Variants in BMP6 observed in about 807,000 individuals in gnomAD.
BMP6 encodes the protein VG-1-R.
Under a neutral mutation model 54.1 loss-of-function variants are expected in BMP6, and 17 were observed. The ratio of observed to expected loss-of-function variants is 0.31; its 90% CI spans 0.22 to 0.47. The LOEUF (loss-of-function observed/expected upper bound fraction) is 0.47. Among genes scored for constraint, BMP6 ranks in the 20% least tolerant of loss-of-function variants. The pLI is 1.00. For synonymous variants in BMP6, 328 were observed against 291.2 expected (o/e 1.13, Z -1.28); for missense variants, 720 against 690.4 (o/e 1.04, Z -0.48).
intron 1 of BMP6, among the ~76,000 whole-genome samples, chr6:7,781,776 G>C (rs1263315464): frequency 6.6e-6 from 1 of 151,532 alleles, no homozygotes; most frequent in Non-Finnish European, 1.5e-5. Context: ...GGTCTGGGAA[G>C]GTTTCCTGGA....
chr6:7,807,898 A>G (rs1758370701), intron 1 of BMP6, among the ~76,000 whole-genome samples: 1 of 150,258 alleles, frequency 6.7e-6, no homozygotes, highest in Non-Finnish European at 1.5e-5. Flanking sequence ...TTGTATTACT[A>G]ACGGGAAGTC....
chr6:7,727,541 G>C lies in BMP6; in HGVS notation c.586G>C (p.Gly196Arg), dbSNP rs768420207. The C allele has an allele frequency of 2.2e-5, 35 of 1,595,062 alleles. No individual in the cohort carries two copies. Among genetic ancestry groups the C allele is most frequent in the Non-Finnish European group, 2.9e-5 (34 of 1,177,746 alleles). Residue 196 changes from glycine (G) to arginine (R), a missense_variant, in exon 1 of 7, where the codon GGC (glycine) becomes CGC (arginine). Gly to Arg is a moderately radical substitution (Grantham distance 125). Coordinates refer to ENST00000283147, the MANE Select transcript of BMP6 (RefSeq NM_001718.6). Reference sequence around the variant, plus strand: ...TCTGGCCCCCGGATCTGGCAGCGGCGGCGCGTCCCCACTGACCAGCGCGCA... The same window carrying C: ...TCTGGCCCCCGGATCTGGCAGCGGCCGCGCGTCCCCACTGACCAGCGCGCA... The part of the protein sequence containing the change: ...SLLAPGSGSG[G>R]ASPLTSAQDS...
chr6:7,771,478 A>G (rs554118146), intron 1 of BMP6, among the ~76,000 whole-genome samples: 192 of 152,362 alleles, frequency 1.3e-3, no homozygotes, highest in Admixed American at 2.7e-3. Context: ...CACATAAGGT[A>G]ATTGCTGTCA....
chr6:7,852,974 G>A (rs151100291), intron 2 of BMP6, among the ~76,000 whole-genome samples: 1 of 152,234 alleles, frequency 6.6e-6, no homozygotes, highest in African/African-American at 2.4e-5. Flanking sequence ...TCACGCACTA[G>A]CTGCCTTGAA....
chr6:7,764,013 C>T (rs764909313), intron 1 of BMP6, among the ~76,000 whole-genome samples: 70 of 152,154 alleles, frequency 4.6e-4, no homozygotes, highest in Non-Finnish European at 8.7e-4. Flanking sequence ...GTGAAGGATC[C>T]GTCTTCAGAA....
chr6:7,748,533 G>A (rs1043364482), intron 1 of BMP6, among the ~76,000 whole-genome samples: 2 of 152,202 alleles, frequency 1.3e-5, no homozygotes, highest in Admixed American at 6.5e-5. Flanking sequence ...AGCAGCTCAT[G>A]CTTATGAGAG....
intron 1 of BMP6, among the ~76,000 whole-genome samples, chr6:7,829,428 G>A (rs565922955): frequency 1.3e-5 from 2 of 152,274 alleles, no homozygotes; most frequent in South Asian, 4.2e-4. Flanking sequence ...AGTTAGCCAG[G>A]CACAGTGGCT....
At chr6:7,731,367 A>G (rs1269706324) in intron 1 of BMP6, among the ~76,000 whole-genome samples, 5 of 152,140 alleles carry the variant, frequency 3.3e-5, no homozygotes, top group Admixed American at 6.5e-5. Flanking sequence ...CTGCCACTCT[A>G]TATAAACTGG....
chr6:7,859,955 A>G (rs2113274709), intron 2 of BMP6, among the ~76,000 whole-genome samples: 1 of 152,306 alleles, frequency 6.6e-6, no homozygotes, highest in East Asian at 1.9e-4. Flanking sequence ...AACCATTTGA[A>G]CTTGATGTTT....
At chr6:7,827,279 C>A (rs1235675209) in intron 1 of BMP6, among the ~76,000 whole-genome samples, 1 of 152,182 alleles carries the variant, frequency 6.6e-6, no homozygotes, top group Non-Finnish European at 1.5e-5. Flanking sequence ...GTTAAGTGAG[C>A]AGTTTAGCTT....
At chr6:7,833,467 G>A (rs1372285176) in intron 1 of BMP6, among the ~76,000 whole-genome samples, 4 of 152,190 alleles carry the variant, frequency 2.6e-5, no homozygotes, top group African/African-American at 9.7e-5. Context: ...GTACCACTGT[G>A]TGCATGTTGG....
intron 2 of BMP6, among the ~76,000 whole-genome samples, chr6:7,846,637 G>T: frequency 6.6e-6 from 1 of 152,192 alleles, no homozygotes; most frequent in East Asian, 1.9e-4. Flanking sequence ...TACATCCATT[G>T]TGGTATCTTT....
At chr6:7,842,463 C>A (rs139775685) in intron 1 of BMP6, among the ~76,000 whole-genome samples, 1 of 152,272 alleles carries the variant, frequency 6.6e-6, no homozygotes, top group East Asian at 1.9e-4. Flanking sequence ...GGCTTCCTCA[C>A]AACATGGAAG....
At chr6:7,829,253 T>G (rs12211051) in intron 1 of BMP6, among the ~76,000 whole-genome samples, 2,036 of 152,258 alleles carry the variant, frequency 0.013, 27 homozygotes, top group South Asian at 0.056. Context: ...TTTGTGGATT[T>G]TTTATGTATG....
chr6:7,863,803 G>C (rs1204329707), intron 4 of BMP6, among the ~76,000 whole-genome samples: 2 of 152,130 alleles, frequency 1.3e-5, no homozygotes, highest in African/African-American at 2.4e-5. Context: ...CGGATTACTT[G>C]AGGTTGGGAG....
chr6:7,866,130 C>T (rs1759420478), intron 4 of BMP6, among the ~76,000 whole-genome samples: 1 of 152,258 alleles, frequency 6.6e-6, no homozygotes, highest in South Asian at 2.1e-4. Flanking sequence ...ATGGCTTTCA[C>T]TTGCCCTTGC....
At chr6:7,863,031 C>A (rs1759361871) in intron 4 of BMP6, among the ~76,000 whole-genome samples, 1 of 152,122 alleles carries the variant, frequency 6.6e-6, no homozygotes, top group Non-Finnish European at 1.5e-5. Context: ...CAGAGTCTCC[C>A]TCTGTCGCCC....
At chr6:7,833,713 T>A (rs1346026512) in intron 1 of BMP6, among the ~76,000 whole-genome samples, 1 of 152,234 alleles carries the variant, frequency 6.6e-6, no homozygotes, top group African/African-American at 2.4e-5. Context: ...GGGACTGTTC[T>A]GAAAAATTCA....
intron 1 of BMP6, among the ~76,000 whole-genome samples, chr6:7,735,710 G>C (rs1158756886): frequency 1.3e-5 from 2 of 152,094 alleles, no homozygotes; most frequent in African/African-American, 4.8e-5. Context: ...GCAGAATTTG[G>C]TATCTTTGTT....
Sources: gnomAD v4.1 joint callset for allele counts (sites outside exome capture counted in the v4.1 genomes callset) on GRCh38, gnomAD v4.1.1 for gene constraint, MANE v1.5 for transcripts, NCBI Gene and HGNC (gene_info 2026-07-23, HGNC 2026-07-21) for gene names.